PPARGC1A: variants seen among roughly 807,000 people sequenced by gnomAD.
PPARGC1A encodes the protein peroxisome proliferator-activated receptor gamma coactivator 1-alpha.
In PPARGC1A, 25 loss-of-function variants were observed where a neutral mutation model predicts 88.7. The observed-to-expected ratio is 0.28, with a 90% CI of 0.21 to 0.39. The LOEUF (loss-of-function observed/expected upper bound fraction) is 0.39. Ranked by LOEUF, PPARGC1A falls within the 10% of genes least tolerant of loss-of-function variation. The pLI is 1.00. For synonymous variants in PPARGC1A, 363 were observed against 355.6 expected (o/e 1.02, Z -0.24); for missense variants, 880 against 968.7 (o/e 0.91, Z 1.22).
At chr4:24,387,816 GAAAGAAAGA>G in the PPARGC1A span, among the ~76,000 whole-genome samples, 1 of 101,540 alleles carries the variant, frequency 9.8e-6, no homozygotes, top group African/African-American at 3.1e-5. Context: ...AAGAAAGAAA[GAAAGAAAGA>G]GAGAAAGAGA....
At chr4:23,982,958 C>T in the PPARGC1A span, among the ~76,000 whole-genome samples, 1 of 152,162 alleles carries the variant, frequency 6.6e-6, no homozygotes, top group African/African-American at 2.4e-5. Flanking sequence ...TATTGGGACA[C>T]AGCCAATCCC....
chr4:24,043,753 C>A, the PPARGC1A span, among the ~76,000 whole-genome samples: 33 of 152,116 alleles, frequency 2.2e-4, 1 homozygote, highest in Admixed American at 2.0e-3. Context: ...ATTGTATATA[C>A]AACATACTTA....
At chr4:24,277,646 G>A in the PPARGC1A span, among the ~76,000 whole-genome samples, 1 of 152,218 alleles carries the variant, frequency 6.6e-6, no homozygotes, top group South Asian at 2.1e-4. Flanking sequence ...AATCTCTCTA[G>A]GCGAGATGAA....
chr4:24,417,044 G>T, the PPARGC1A span, among the ~76,000 whole-genome samples: 2 of 140,588 alleles, frequency 1.4e-5, no homozygotes, highest in African/African-American at 5.2e-5. Flanking sequence ...AAAAAAAAAA[G>T]GGAAAGAGTG....
chr4:24,349,274 C>A, the PPARGC1A span, among the ~76,000 whole-genome samples: 2 of 152,158 alleles, frequency 1.3e-5, no homozygotes, highest in African/African-American at 2.4e-5. Context: ...TGCTGGTTGG[C>A]CTCCTGCCAG....
At chr4:24,234,821 T>C in the PPARGC1A span, among the ~76,000 whole-genome samples, 2 of 152,302 alleles carry the variant, frequency 1.3e-5, no homozygotes, top group African/African-American at 4.8e-5. Flanking sequence ...TCATACTAAT[T>C]GGGCAAAATG....
the PPARGC1A span, among the ~76,000 whole-genome samples, chr4:24,093,972 C>T: frequency 6.8e-6 from 1 of 147,068 alleles, no homozygotes; most frequent in Non-Finnish European, 1.5e-5. Flanking sequence ...CCCTAACTCC[C>T]TTAAAATCCA....
the PPARGC1A span, among the ~76,000 whole-genome samples, chr4:24,005,155 G>T: frequency 2.0e-5 from 3 of 152,082 alleles, no homozygotes; most frequent in Non-Finnish European, 4.4e-5. Context: ...GCAATAAAGG[G>T]TCTCGAAGCT....
the PPARGC1A span, among the ~76,000 whole-genome samples, chr4:24,216,649 T>G: frequency 6.6e-6 from 1 of 152,160 alleles, no homozygotes; most frequent in African/African-American, 2.4e-5. Flanking sequence ...TAGCTTCCTC[T>G]AGGGCCCTAG....
At chr4:24,382,637 G>A in the PPARGC1A span, among the ~76,000 whole-genome samples, 128 of 152,334 alleles carry the variant, frequency 8.4e-4, 1 homozygote, top group Admixed American at 3.3e-3. Flanking sequence ...TTGCAAGTAT[G>A]ACTCATTAAA....
At chr4:24,197,232 T>C in the PPARGC1A span, among the ~76,000 whole-genome samples, 1 of 152,210 alleles carries the variant, frequency 6.6e-6, no homozygotes, top group South Asian at 2.1e-4. Flanking sequence ...TCTTTGCTAT[T>C]TTCCAGGGCA....
At chr4:24,113,032 C>T in the PPARGC1A span, among the ~76,000 whole-genome samples, 1 of 152,180 alleles carries the variant, frequency 6.6e-6, no homozygotes, top group Admixed American at 6.5e-5. Flanking sequence ...TGCTCAAATC[C>T]CATTTTATTC....
chr4:24,367,113 G>A, the PPARGC1A span, among the ~76,000 whole-genome samples: 2 of 152,190 alleles, frequency 1.3e-5, no homozygotes, highest in African/African-American at 4.8e-5. Flanking sequence ...TTGCTGTCAA[G>A]AGAAGCATTT....
the PPARGC1A span, among the ~76,000 whole-genome samples, chr4:24,458,091 C>T: frequency 6.6e-6 from 1 of 152,030 alleles, no homozygotes; most frequent in Non-Finnish European, 1.5e-5. Flanking sequence ...TTCTAGCAGC[C>T]AAAAGAATTT....
At chr4:23,909,488 A>G in the PPARGC1A span, among the ~76,000 whole-genome samples, 1 of 150,800 alleles carries the variant, frequency 6.6e-6, no homozygotes, top group Admixed American at 6.6e-5. Context: ...CCCTCTAATA[A>G]AAGTTCTGGG....
At chr4:24,066,849 GTTTTTTTTT>G in the PPARGC1A span, among the ~76,000 whole-genome samples, 514 of 100,878 alleles carry the variant, frequency 5.1e-3, 6 homozygotes, top group African/African-American at 0.017. Flanking sequence ...TTTGTTTTGG[GTTTTTTTTT>G]TTTTTTTTTT....
At chr4:24,393,528 C>A in the PPARGC1A span, among the ~76,000 whole-genome samples, 8 of 152,146 alleles carry the variant, frequency 5.3e-5, no homozygotes, top group Non-Finnish European at 1.2e-4. Flanking sequence ...TATGGGCATG[C>A]GTGATTAACT....
chr4:24,438,660 A>G, the PPARGC1A span, among the ~76,000 whole-genome samples: 1 of 152,158 alleles, frequency 6.6e-6, no homozygotes, highest in African/African-American at 2.4e-5. Flanking sequence ...TCTCAAAAAT[A>G]CCACTGCAAT....
At chr4:24,192,831 T>G in the PPARGC1A span, among the ~76,000 whole-genome samples, 1 of 152,350 alleles carries the variant, frequency 6.6e-6, no homozygotes, top group East Asian at 1.9e-4. Context: ...TATTTATGCC[T>G]CTGCAAAAAT....
Sources: gnomAD v4.1 joint callset for allele counts (sites outside exome capture counted in the v4.1 genomes callset) on GRCh38, gnomAD v4.1.1 for gene constraint, MANE v1.5 for transcripts, NCBI Gene and HGNC (gene_info 2026-07-23, HGNC 2026-07-21) for gene names.